IGSF9: variants seen among roughly 807,000 people sequenced by gnomAD.
IGSF9 encodes the protein protein turtle homolog A.
In IGSF9, 87 loss-of-function variants were observed where a neutral mutation model predicts 121.7. That is an observed-to-expected ratio of 0.71 (90% CI 0.60 to 0.85). The LOEUF is 0.85. Among genes scored for constraint, IGSF9 ranks in the 40% least tolerant of loss-of-function variants. The probability of loss-of-function intolerance (pLI) is 0.00; values close to 1 mark genes in which losing one functional copy is unlikely to be tolerated. For missense variants in IGSF9, 1,462 were observed against 1,565.3 expected, an observed-to-expected ratio of 0.93 and a Z score of 1.11; for synonymous variants, 640 against 648.4, an observed-to-expected ratio of 0.99 and a Z score of 0.20.
chr1:159,937,881 T>C (rs1490755336), intron 3 of IGSF9, 43 bp from the exon 4 acceptor site: 2 of 1,589,856 alleles, frequency 1.3e-6, no homozygotes, highest in Non-Finnish European at 1.7e-6. Flanking sequence ...AGGAACCCCA[T>C]GGAAGCCCCA....
chr1:159,943,422 G>T lies in IGSF9; in HGVS notation c.33C>A (p.Ser11Arg). 1 of 1,589,242 alleles carries T rather than the reference G, an allele frequency of 6.3e-7. No individual in the cohort carries two copies. The highest frequency in any genetic ancestry group is 1.8e-5 in the Admixed American group (1 of 56,670). Residue 11 changes from serine to arginine, a missense_variant, in exon 2 of 21, where the codon AGC becomes AGA. Physicochemically the swap from Ser to Arg is moderately radical, Grantham distance 110 (BLOSUM62 -1). Around this residue, in one of 3 missense-constraint regions of IGSF9, gnomAD observed 558 missense variants for 599.4 expected, o/e 0.93. Transcript: ENST00000368094. Reference sequence around the variant, plus strand: ...CGTCAGCCCCCTGGCTGATGACCAGGCTGAGGACGGCCAGGCCGAGGCACC... The same window carrying T: ...CGTCAGCCCCCTGGCTGATGACCAGTCTGAGGACGGCCAGGCCGAGGCACC... The part of the protein sequence containing the change: MVWCLGLAVL[S>R]LVISQGADGR...
chr1:159,929,763 G>A lies in IGSF9; in HGVS notation c.2201C>T (p.Pro734Leu), dbSNP rs367584850. 3.1e-6 allele frequency: 5 copies of A among 1,606,176 alleles called. No individual in the cohort carries two copies. In the African/African-American group the frequency reaches 5.3e-5, roughly 17 times the overall value. ...TCCGCCCACCACGCCGGCCAGCACGGGCTGAGGCAGGAGGCCCGGCAGCTG... is the reference window on the plus strand; with the variant it reads ...TCCGCCCACCACGCCGGCCAGCACGAGCTGAGGCAGGAGGCCCGGCAGCTG... ...RTQLPGLLPQ[P>L]VLAGVVGGVC... is the part of the protein sequence containing the mutation. The change falls in exon 17 of 21, where the codon CCC becomes CTC. Residue 734 changes from proline to leucine, a missense_variant. Pro to Leu is a moderately conservative substitution (Grantham distance 98, BLOSUM62 -3). This residue lies in a region of IGSF9 where 808 missense variants were observed against 815.2 expected (regional missense o/e 0.99). Transcript: ENST00000368094.
chr1:159,928,935 A>T lies in IGSF9; in HGVS notation c.2453T>A (p.Leu818Gln). Residue 818 changes from leucine (L) to glutamine (Q), a missense_variant, in exon 19 of 21, where the codon CTG becomes CAG. Coordinates refer to ENST00000368094, the MANE Select transcript of IGSF9 (RefSeq NM_001135050.2). ...GSPVPSLRQS[L>Q]LWGDPAGTPS... The stretch of plus-strand genomic sequence containing the variant: ...AGTTCCGGCAGGATCCCCCCAGAGC[A>T]GACTCTGGCGCAGGCTGGGGACTGG... The T allele has an allele frequency of 2.6e-6, 4 of 1,561,572 alleles. No individual in the cohort carries two copies. In the South Asian group the frequency reaches 4.8e-5, roughly 19 times the overall value.
At chr1:159,929,254 C>T (rs1650881095) in intron 18 of IGSF9, 97 bp downstream of exon 18, 1 of 1,479,084 alleles carries the variant, frequency 6.8e-7, no homozygotes, top group African/African-American at 1.4e-5. Context: ...TCCCCAACAC[C>T]CAACATCCCC....
At position 159,930,717 on chromosome 1, in the gene IGSF9, G is replaced by A. The variant is rs1176219207; in HGVS notation, c.1788C>T (p.Ser596=). The A allele has an allele frequency of 5.0e-6, 8 of 1,613,958 alleles. No homozygotes were observed. In the African/African-American group the frequency reaches 5.3e-5, roughly 11 times the overall value. The change falls in exon 14 of 21, where the codon AGC becomes AGT. Residue 596 remains serine (S), a synonymous_variant. Coordinates refer to ENST00000368094, the MANE Select transcript of IGSF9 (RefSeq NM_001135050.2). ...CTTCCGGAGCAGACAAGACGATTTCGCTGAAGGGACCACTCCCCAGCTTGT... is the reference window on the plus strand; with the variant it reads ...CTTCCGGAGCAGACAAGACGATTTCACTGAAGGGACCACTCCCCAGCTTGT... ...AQNKLGSGPF[S]EIVLSAPEGL...
chr1:159,928,012 GA>G (rs1386220270), intron 19 of IGSF9, 125 bp from the exon 20 acceptor site: 1 of 1,484,632 alleles, frequency 6.7e-7, no homozygotes, highest in East Asian at 2.3e-5. Flanking sequence ...AAAATCCCTG[GA>G]CCTCAGCAAA....
chr1:159,931,873 C>A lies in IGSF9; in HGVS notation c.1301G>T (p.Arg434Leu), dbSNP rs376059608. Residue 434 changes from arginine (R) to leucine (L), a missense_variant, in exon 11 of 21, where the codon CGG (arginine) becomes CTG (leucine). This residue lies in a region of IGSF9 where 558 missense variants were observed against 599.4 expected (regional missense o/e 0.93). Coordinates refer to ENST00000368094, the MANE Select transcript of IGSF9 (RefSeq NM_001135050.2). The surrounding 1 kb of genome is among the most constrained non-coding windows in gnomAD (Gnocchi z 4.8). The stretch of plus-strand genomic sequence containing the variant: ...GGCGGAGCAGGGGATGAGCAGCTCC[C>A]GCCCTACTTCTTGGAAATATTCTTC... ...PKEEYFQEVGRELLIPCSAQG... is the reference protein window; with the variant it reads ...PKEEYFQEVGLELLIPCSAQG... The A allele has an allele frequency of 3.8e-6, 6 of 1,597,758 alleles. No individual in the cohort carries two copies. In the African/African-American group the frequency reaches 4.1e-5, roughly 11 times the overall value.
chr1:159,942,285 G>A (rs1436902060), intron 3 of IGSF9, among the ~76,000 whole-genome samples: 3 of 152,188 alleles, frequency 2.0e-5, no homozygotes, highest in African/African-American at 4.8e-5. Flanking sequence ...GGCTACACAC[G>A]ATTTTAAGTC....
Position 159,931,523 on chromosome 1 carries a change from G to A in IGSF9, c.1443C>T (p.His481=), listed in dbSNP as rs557096429. ...TGCTGGCACTGCATTCCCAGTGCCC[G>A]TGGGCCTCCTTGGTCAATGGTCGCA... The part of the protein sequence containing the change: ...LILRPLTKEA[H]GHWECSASNA... The change falls in exon 12 of 21, where the codon CAC becomes CAT. Residue 481 remains histidine, a synonymous_variant. Transcript: ENST00000368094. This position sits in a 1 kb window ranked among gnomAD's most constrained non-coding sequence, Gnocchi z 4.8. The A allele has an allele frequency of 5.6e-6, 9 of 1,614,018 alleles. No homozygotes were observed. The highest frequency in any genetic ancestry group is 3.3e-5 in the Admixed American group (2 of 60,002).
At chr1:159,936,114 T>C (rs533008079) in intron 6 of IGSF9, among the ~76,000 whole-genome samples, 2 of 152,300 alleles carry the variant, frequency 1.3e-5, no homozygotes, top group African/African-American at 4.8e-5. Context: ...ATGAAGAAAC[T>C]GGGACTCAAG....
rs1651042368 is a variant in IGSF9, at chr1:159,932,758, A to T, written c.1105-106T>A. On this transcript the variant is annotated intron_variant, in intron 9 of 20. Transcript: ENST00000368094. The surrounding 1 kb of genome is among the most constrained non-coding windows in gnomAD (Gnocchi z 4.1). ...GGATGAGAAACCCACAGCTGTGCAG[A>T]AGACTCCAGCAGCTCCATGTCTAGG... is the stretch of plus-strand genomic sequence containing the variant. The T allele has an allele frequency of 8.8e-7, 1 of 1,137,130 alleles. No individual in the cohort carries two copies. Among genetic ancestry groups the T allele is most frequent in the Non-Finnish European group, 1.2e-6 (1 of 812,796 alleles). The allele number at this position is 1,137,130 out of a possible 1,614,324, so 70.4% of individuals were successfully genotyped here.
chr1:159,942,024 G>C (rs746245200), intron 3 of IGSF9, among the ~76,000 whole-genome samples: 88 of 152,354 alleles, frequency 5.8e-4, no homozygotes, highest in Non-Finnish European at 1.1e-3. Flanking sequence ...AAACTAAAGA[G>C]GGAAAAGGTG....
rs759854785 is a variant in IGSF9 at position 159,934,282 on chromosome 1, T to C, written c.1012A>G (p.Met338Val). 2.2e-5 allele frequency: 36 copies of C among 1,612,668 alleles called. No homozygotes were observed. In the Admixed American group the frequency reaches 6.0e-4, roughly 27 times the overall value. Residue 338 changes from methionine to valine, a missense_variant, in exon 9 of 21, where the codon ATG (methionine) becomes GTG (valine). Transcript: ENST00000368094. ...MPPETPLPIG[M>V]PGVIRCPVRA... ...ACCGGGCAGCGGATCACCCCCGGCA[T>C]GCCTATGGGCAGGGGTGTCTCAGGA...
chr1:159,927,263 C>G lies in IGSF9; in HGVS notation c.*82G>C. The G allele has an allele frequency of 6.4e-7, 1 of 1,551,774 alleles. No homozygotes were observed. Among genetic ancestry groups the G allele is most frequent in the Non-Finnish European group, 8.9e-7 (1 of 1,127,488 alleles). The stretch of plus-strand genomic sequence containing the variant: ...CCAAAGGGGCAGGCAGGGGCAGTGC[C>G]CTCGTTTGAAACTAGGTCTGTCTGG... On this transcript the variant is annotated 3_prime_UTR_variant, in exon 21 of 21. Coordinates refer to ENST00000368094, the MANE Select transcript of IGSF9 (RefSeq NM_001135050.2).
At position 159,936,805 on chromosome 1, in the gene IGSF9, C is replaced by T. The variant is rs560946611; in HGVS notation, c.504G>A (p.Val168=). ...CVARGSPLPH[V]TWKLRGKDLG... ...GGTCCTTTCCTCGGAGCTTCCACGTCACATGAGGCAGGGGGCTGCCACGGG... is the reference window on the plus strand; with the variant it reads ...GGTCCTTTCCTCGGAGCTTCCACGTTACATGAGGCAGGGGGCTGCCACGGG... Residue 168 remains valine (V), a synonymous_variant, in exon 5 of 21, where the codon GTG becomes GTA. Coordinates refer to ENST00000368094, the MANE Select transcript of IGSF9 (RefSeq NM_001135050.2). 8 of 1,614,222 alleles carry T rather than the reference C, an allele frequency of 5.0e-6. No individual in the cohort carries two copies. The East Asian group carries it at 1.6e-4, about 31-fold the overall frequency.
At chr1:159,936,672 C>G (rs1651197998) in intron 5 of IGSF9, 82 bp downstream of exon 5, 1 of 1,567,478 alleles carries the variant, frequency 6.4e-7, no homozygotes. Context: ...CCTTTGCCTC[C>G]TCTGTCCTCT....
Position 159,931,933 on chromosome 1 carries a change from A to G in IGSF9, c.1246-5T>C. ...CTCTATAAAAGCTGGGGGAGCCTGC[A>G]AGCCAGATCTGGCATTGGGAGGGGC... On this transcript the variant is annotated splice_polypyrimidine_tract_variant and splice_region_variant and intron_variant, in intron 10 of 20. Transcript: ENST00000368094. The surrounding 1 kb of genome is among the most constrained non-coding windows in gnomAD (Gnocchi z 4.8). 10 of 1,573,904 alleles carry G rather than the reference A, an allele frequency of 6.4e-6. No homozygotes were observed. The highest frequency in any genetic ancestry group is 8.6e-6 in the Non-Finnish European group (10 of 1,160,886).
chr1:159,939,655 T>C (rs1009894611), intron 3 of IGSF9, among the ~76,000 whole-genome samples: 5 of 152,214 alleles, frequency 3.3e-5, no homozygotes, highest in African/African-American at 1.2e-4. Flanking sequence ...TTGCTTCCAT[T>C]CTACCTCTAG....
chr1:159,941,164 A>G (rs1651363505), intron 3 of IGSF9, among the ~76,000 whole-genome samples: 1 of 152,134 alleles, frequency 6.6e-6, no homozygotes, highest in African/African-American at 2.4e-5. Context: ...TCCCTAATCC[A>G]ACAGTCTCTC....
Sources: gnomAD v4.1 joint callset for allele counts (sites outside exome capture counted in the v4.1 genomes callset) on GRCh38, gnomAD v4.1.1 for gene constraint, gnomAD v4.1.1 regional missense constraint, Gnocchi (gnomAD v3.1) non-coding constraint, MANE v1.5 for transcripts, NCBI Gene and HGNC (gene_info 2026-07-23, HGNC 2026-07-21) for gene names.